The following CAMTA1 variants were observed in gnomAD, a reference collection of about 807,000 sequenced individuals.
CAMTA1 encodes calmodulin binding transcription activator 1.
Under a neutral mutation model 170.9 loss-of-function variants are expected in CAMTA1, and 27 were observed. That is an observed-to-expected ratio of 0.16 (90% CI 0.12 to 0.22). The LOEUF (loss-of-function observed/expected upper bound fraction) is 0.22. Among genes scored for constraint, CAMTA1 ranks in the 10% least tolerant of loss-of-function variants. The pLI, the probability that CAMTA1 is intolerant of heterozygous loss-of-function variation, is 1.00. For missense variants in CAMTA1, 1,619 were observed against 2,217.2 expected, an observed-to-expected ratio of 0.73 and a Z score of 5.42; for synonymous variants, 833 against 891.5, an observed-to-expected ratio of 0.93 and a Z score of 1.17.
In CAMTA1 at chr1:7,308,444, A is replaced by G. The variant is rs188411815; in HGVS notation, c.438+58818A>G. Among the ~76,000 whole-genome samples the G allele has an allele frequency of 3.9e-5, 6 of 152,104 alleles. 1 individual carries two copies. Among genetic ancestry groups the G allele is most frequent in the Admixed American group, 2.0e-4 (3 of 15,286 alleles). ...AGTTTCTTAAGAAGGATGCTATATTATTGATTGAAACCTTTCTTCTTTTCT... is the reference window on the plus strand; with the variant it reads ...AGTTTCTTAAGAAGGATGCTATATTGTTGATTGAAACCTTTCTTCTTTTCT... On this transcript the variant is annotated intron_variant, in intron 5 of 22. Coordinates refer to ENST00000303635, the MANE Select transcript of CAMTA1 (RefSeq NM_015215.4).
Position 7,665,147 on chromosome 1 carries a change from G to A in CAMTA1, c.2600G>A (p.Ser867Asn). The change falls in exon 9 of 23, where the codon AGC (serine) becomes AAC (asparagine). Residue 867 changes from serine to asparagine, a missense_variant. Ser to Asn is a conservative substitution (Grantham distance 46, BLOSUM62 1). Transcript: ENST00000303635. This position sits in a 1 kb window ranked among gnomAD's most constrained non-coding sequence, Gnocchi z 4.3. ...GGCACCCTAGGCATGCTGCAGCAGA[G>A]CGGACGGGTGTTCATGGTGACCGAC... is the stretch of plus-strand genomic sequence containing the variant. ...AQGTLGMLQQ[S>N]GRVFMVTDYS... The A allele has an allele frequency of 6.6e-7, 1 of 1,505,592 alleles. No individual in the cohort carries two copies. Among genetic ancestry groups the A allele is most frequent in the East Asian group, 2.3e-5 (1 of 43,728 alleles). The allele number at this position is 1,505,592 out of a possible 1,614,324, so 93.3% of individuals were successfully genotyped here.
intron 6 of CAMTA1, among the ~76,000 whole-genome samples, chr1:7,593,986 G>A (rs2095373966): frequency 6.7e-6 from 1 of 148,578 alleles, no homozygotes; most frequent in Admixed American, 6.7e-5. Context: ...AGGTTGCAGT[G>A]AGCCAAGATC....
In CAMTA1 at chr1:7,570,431, C is replaced by T. The variant is rs185298020; in HGVS notation, c.511-69969C>T. On this transcript the variant is annotated intron_variant, in intron 6 of 22. Coordinates refer to ENST00000303635, the MANE Select transcript of CAMTA1 (RefSeq NM_015215.4). This position sits in a 1 kb window ranked among gnomAD's most constrained non-coding sequence, Gnocchi z 4.3. ...CGGGGAGGAGGAAGCCAGGGGCAAA[C>T]CCGGACCAGCCCGTGCATGTGCCAA... Among the ~76,000 whole-genome samples the T allele has an allele frequency of 4.6e-3, 694 of 152,338 alleles. 1 individual carries two copies. Among genetic ancestry groups the T allele is most frequent in the Admixed American group, 8.0e-3 (122 of 15,302 alleles).
At chr1:7,653,554 T>C (rs528015380) in intron 7 of CAMTA1, among the ~76,000 whole-genome samples, 1 of 152,324 alleles carries the variant, frequency 6.6e-6, no homozygotes, top group South Asian at 2.1e-4. Context: ...ACACCTGGCC[T>C]TGTTCTTTTT....
At chr1:7,646,675 C>T (rs994075679) in intron 7 of CAMTA1, among the ~76,000 whole-genome samples, 1 of 146,776 alleles carries the variant, frequency 6.8e-6, no homozygotes, top group African/African-American at 2.6e-5. Flanking sequence ...GGGTGGAGGC[C>T]ATGGTGACTG....
chr1:6,831,867 C>T (rs937061884), intron 3 of CAMTA1, among the ~76,000 whole-genome samples: 4 of 152,062 alleles, frequency 2.6e-5, no homozygotes, highest in African/African-American at 9.7e-5. Flanking sequence ...TTGATACATT[C>T]TAAGCCACAC....
intron 3 of CAMTA1, among the ~76,000 whole-genome samples, chr1:7,021,394 C>T (rs147554423): frequency 6.6e-6 from 1 of 152,018 alleles, no homozygotes; most frequent in Non-Finnish European, 1.5e-5. Flanking sequence ...CATCGCTCAG[C>T]TTCTCTCTTT....
intron 4 of CAMTA1, among the ~76,000 whole-genome samples, chr1:7,205,113 G>C (rs1657485494): frequency 6.6e-6 from 1 of 151,876 alleles, no homozygotes. Context: ...ACAGGCGTGA[G>C]CCACCGCGCC....
chr1:6,828,973 T>C (rs1570572547), intron 3 of CAMTA1, among the ~76,000 whole-genome samples: 1 of 145,548 alleles, frequency 6.9e-6, no homozygotes, highest in South Asian at 2.3e-4. Context: ...CTCAGCTCCC[T>C]GCAACCTCCA....
chr1:7,025,781 C>A (rs369966232), intron 3 of CAMTA1, among the ~76,000 whole-genome samples: 1 of 152,030 alleles, frequency 6.6e-6, no homozygotes, highest in Non-Finnish European at 1.5e-5. Flanking sequence ...AGAAGGCTTC[C>A]GGGAGAAGTA....
chr1:7,499,230 A>G (rs1205287586), intron 6 of CAMTA1, among the ~76,000 whole-genome samples: 4 of 81,762 alleles, frequency 4.9e-5, no homozygotes, highest in South Asian at 4.1e-4. Context: ...TATGTATATG[A>G]GTGTGTGTGT....
intron 3 of CAMTA1, among the ~76,000 whole-genome samples, chr1:7,080,260 A>T (rs532258889): frequency 6.6e-6 from 1 of 152,124 alleles, no homozygotes; most frequent in East Asian, 1.9e-4. Context: ...TTCTATTCTA[A>T]AAGAAATGTT....
At chr1:7,364,450 T>C (rs1248223213) in intron 5 of CAMTA1, among the ~76,000 whole-genome samples, 2 of 146,950 alleles carry the variant, frequency 1.4e-5, no homozygotes, top group African/African-American at 5.2e-5. Context: ...TGTGACTCTT[T>C]TTTTTTTTTT....
chr1:7,212,253 T>G (rs1180834453), intron 4 of CAMTA1, among the ~76,000 whole-genome samples: 2 of 152,204 alleles, frequency 1.3e-5, no homozygotes, highest in African/African-American at 4.8e-5. Context: ...TTGTGTTCTA[T>G]TTTATGGTCT....
At chr1:7,207,442 T>C (rs1256929336) in intron 4 of CAMTA1, among the ~76,000 whole-genome samples, 1 of 152,242 alleles carries the variant, frequency 6.6e-6, no homozygotes, top group Non-Finnish European at 1.5e-5. Context: ...CATTGAATGT[T>C]TTCTTCTTGT....
intron 4 of CAMTA1, among the ~76,000 whole-genome samples, chr1:7,153,639 G>A (rs1279527305): frequency 6.6e-6 from 1 of 152,112 alleles, no homozygotes; most frequent in African/African-American, 2.4e-5. Context: ...GCGAGTGACC[G>A]GCAACCTCCC....
chr1:7,497,272 G>A lies in CAMTA1; in HGVS notation c.510+29371G>A, dbSNP rs185275595. Among the ~76,000 whole-genome samples the A allele has an allele frequency of 3.3e-5, 5 of 152,228 alleles. No homozygotes were observed. In the East Asian group the frequency reaches 9.7e-4, roughly 30 times the overall value. On this transcript the variant is annotated intron_variant, in intron 6 of 22. Coordinates refer to ENST00000303635, the MANE Select transcript of CAMTA1 (RefSeq NM_015215.4). ...GTCACAGACACTGCGCTGTCCCTGA[G>A]GAGGCCTGGAGCTAGAAGCCAGCCA...
At chr1:7,672,156 C>T (rs929915726) in intron 10 of CAMTA1, 4 of 434,138 alleles carry the variant, frequency 9.2e-6, no homozygotes, top group African/African-American at 2.0e-5. Context: ...TGTCCTCTAA[C>T]GTCAGGGAGC....
At chr1:7,594,200 G>A (rs2095378588) in intron 6 of CAMTA1, among the ~76,000 whole-genome samples, 1 of 113,670 alleles carries the variant, frequency 8.8e-6, no homozygotes, top group Non-Finnish European at 1.8e-5. Context: ...AAGGAGGGAG[G>A]GGAAGGAAGG....
Sources: gnomAD v4.1 joint callset for allele counts (sites outside exome capture counted in the v4.1 genomes callset) on GRCh38, gnomAD v4.1.1 for gene constraint, Gnocchi (gnomAD v3.1) non-coding constraint, MANE v1.5 for transcripts, NCBI Gene and HGNC (gene_info 2026-07-23, HGNC 2026-07-21) for gene names.